CEP164: variants seen among roughly 807,000 people sequenced by gnomAD.
The protein encoded by CEP164 is centrosomal protein of 164 kDa.
CEP164 carries 162 observed loss-of-function variants against 182.7 expected under a neutral mutation model. The ratio of observed to expected loss-of-function variants is 0.89; its 90% CI spans 0.78 to 1.01. CEP164 has a LOEUF of 1.01. Among genes scored for constraint, CEP164 ranks in the 50% least tolerant of loss-of-function variants. The probability of loss-of-function intolerance (pLI) is 0.00; values close to 1 mark genes in which losing one functional copy is unlikely to be tolerated. For synonymous variants in CEP164, 661 were observed against 690.0 expected, an observed-to-expected ratio of 0.96 and a Z score of 0.66; for missense variants, 1,735 against 1,790.4, an observed-to-expected ratio of 0.97 and a Z score of 0.56.
At chr11:117,403,447 GA>G (rs2046357683) in intron 27 of CEP164, among the ~76,000 whole-genome samples, 1 of 151,964 alleles carries the variant, frequency 6.6e-6, no homozygotes, top group South Asian at 2.1e-4. Flanking sequence ...GGCTGGATAT[GA>G]AATTCTTTTC....
chr11:117,374,298 C>T (rs756930558), intron 10 of CEP164, among the ~76,000 whole-genome samples: 7 of 152,074 alleles, frequency 4.6e-5, no homozygotes, highest in Admixed American at 6.6e-5. Context: ...CTTGGAATGC[C>T]GGCATCCATG....
intron 20 of CEP164, 65 bp downstream of exon 20, chr11:117,393,191 A>C: frequency 6.4e-7 from 1 of 1,567,264 alleles, no homozygotes; most frequent in South Asian, 1.1e-5. Flanking sequence ...GCACATGCAC[A>C]CACACATGCA....
At chr11:117,393,410 C>T (rs552105865) in intron 20 of CEP164, among the ~76,000 whole-genome samples, 24 of 152,164 alleles carry the variant, frequency 1.6e-4, no homozygotes, top group Non-Finnish European at 2.8e-4. Context: ...GCAGGCTGTA[C>T]TTTCTTCTGA....
At chr11:117,389,030 A>C (rs1033881454) in intron 15 of CEP164, among the ~76,000 whole-genome samples, 1 of 152,062 alleles carries the variant, frequency 6.6e-6, no homozygotes. Flanking sequence ...TCGGCCTCCC[A>C]AAGTGCTGGG....
chr11:117,390,642 GAAAA>G (rs60684637), intron 15 of CEP164, 131 bp from the exon 16 acceptor site: 34 of 971,276 alleles, frequency 3.5e-5, no homozygotes, highest in Middle Eastern at 3.5e-4. Context: ...TCTCCAAAAA[GAAAA>G]AAAAAAAAAA....
At chr11:117,392,345 A>C (rs374651115) in intron 18 of CEP164, 42 bp downstream of exon 18, 1 of 1,590,266 alleles carries the variant, frequency 6.3e-7, no homozygotes, top group African/African-American at 1.3e-5. Context: ...GCTGATTAGC[A>C]GAATTCAGCC....
At position 117,382,620 on chromosome 11, in the gene CEP164, G is replaced by T. The variant is rs189690654; in HGVS notation, c.1578-176G>T. The T allele has an allele frequency of 4.0e-5, 27 of 683,192 alleles. 1 individual carries two copies. The Admixed American group carries it at 5.6e-4, about 14-fold the overall frequency. 42.3% of individuals were successfully genotyped at this position (683,192 alleles called of 1,614,324 possible). On this transcript the variant is annotated intron_variant, in intron 13 of 32. Coordinates refer to ENST00000278935, the MANE Select transcript of CEP164 (RefSeq NM_014956.5). The stretch of plus-strand genomic sequence containing the variant: ...GAGGCAGGAGTCTCTAGTCTTTGAT[G>T]CAAATAATTCAGGGAGAGGAAGGGC...
At chr11:117,356,019 G>A (rs1293286332) in intron 5 of CEP164, 2 of 1,139,746 alleles carry the variant, frequency 1.8e-6, no homozygotes, top group Non-Finnish European at 2.2e-6. Context: ...AGCAGCAGCA[G>A]CAACAGCAAC....
intron 5 of CEP164, among the ~76,000 whole-genome samples, chr11:117,354,748 ATTT>A (rs1057302291): frequency 2.0e-5 from 3 of 147,876 alleles, no homozygotes; most frequent in Non-Finnish European, 3.0e-5. Context: ...TTAAATTATT[ATTT>A]TTTTTTGCTA....
chr11:117,392,427 A>T, intron 18 of CEP164, 69 bp from the exon 19 acceptor site: 1 of 1,578,504 alleles, frequency 6.3e-7, no homozygotes, highest in Non-Finnish European at 8.6e-7. Context: ...CTCAGAACAC[A>T]TCCCCACACA....
At position 117,395,065 on chromosome 11, in the gene CEP164, C is replaced by G. The variant is rs759277057; in HGVS notation, c.2845-58C>G. The G allele has an allele frequency of 9.3e-6, 15 of 1,613,258 alleles. No homozygotes were observed. In the African/African-American group the frequency reaches 1.7e-4, roughly 19 times the overall value. On this transcript the variant is annotated intron_variant, in intron 22 of 32. Coordinates refer to ENST00000278935, the MANE Select transcript of CEP164 (RefSeq NM_014956.5). ...TAGCTTCTCTAGCAGAGGGCAGGCTCTGCCCCTCAGACCTGGGGTCTGCAG... is the reference window on the plus strand; with the variant it reads ...TAGCTTCTCTAGCAGAGGGCAGGCTGTGCCCCTCAGACCTGGGGTCTGCAG...
intron 5 of CEP164, among the ~76,000 whole-genome samples, chr11:117,360,971 G>C (rs1167632813): frequency 7.4e-6 from 1 of 135,856 alleles, no homozygotes; most frequent in Non-Finnish European, 1.5e-5. Context: ...GTCTCGCTCT[G>C]TCGCTCAGGC....
At position 117,395,743 on chromosome 11, in the gene CEP164, T is replaced by A. The variant is rs771511730; in HGVS notation, c.3089+21T>A. On this transcript the variant is annotated intron_variant, in intron 24 of 32. Transcript: ENST00000278935. ...TTCAGGTGGCGTGGGCACCCTGCAC[T>A]TAGCCCTGCTGGCTGCCTCCTGCCT... 3.1e-6 allele frequency: 5 copies of A among 1,592,308 alleles called. No homozygotes were observed. The African/African-American group carries it at 4.0e-5, about 13-fold the overall frequency.
chr11:117,342,673 T>G (rs967169708), intron 3 of CEP164, among the ~76,000 whole-genome samples: 34 of 151,612 alleles, frequency 2.2e-4, no homozygotes, highest in Non-Finnish European at 1.3e-4. Context: ...ACGAGGTTTC[T>G]CCATGTTGCC....
At chr11:117,345,883 C>T (rs652346) in intron 4 of CEP164, among the ~76,000 whole-genome samples, 30,791 of 152,036 alleles carry the variant, frequency 0.2, 3,168 homozygotes, top group Admixed American at 0.25. Context: ...GACGGGGTTT[C>T]GCCATGTTGG....
Position 117,321,886 on chromosome 11 carries a change from T to C in CEP164, c.-98+7158T>C, listed in dbSNP as rs2035256805. ...AATTTTTGGGTTTTTTTTTAAGAGA[T>C]TGGGTCTCACTATATTGCCCAGGCT... is the stretch of plus-strand genomic sequence containing the variant. On this transcript the variant is annotated intron_variant, in intron 1 of 4. Transcript: ENST00000525734. Among the ~76,000 whole-genome samples the C allele has an allele frequency of 4.6e-5, 7 of 151,524 alleles. No individual in the cohort carries two copies. In the South Asian group the frequency reaches 1.3e-3, roughly 27 times the overall value.
chr11:117,361,233 CTTTTTTTTT>C lies in CEP164; in HGVS notation c.394-584_394-576del, dbSNP rs71469129. ...TACAGGCGTGAGCCACTGCGCCTGGCTTTTTTTTTTTTTTTTTTTTTTTTTTGAGACAGA... is the reference window on the plus strand; with the variant it reads ...TACAGGCGTGAGCCACTGCGCCTGGCTTTTTTTTTTTTTTTTTGAGACAGA... On this transcript the variant is annotated intron_variant, in intron 5 of 32. Coordinates refer to ENST00000278935, the MANE Select transcript of CEP164 (RefSeq NM_014956.5). Among the ~76,000 whole-genome samples, 73 of 90,194 alleles carry C rather than the reference CTTTTTTTTT, an allele frequency of 8.1e-4. 1 individual carries two copies. The East Asian group carries it at 0.024, about 29-fold the overall frequency. 59.2% of individuals were successfully genotyped at this position (90,194 alleles called of 152,430 possible). A position where few individuals can be genotyped will look rare whatever the true frequency, so the allele number is the denominator to read the frequency against.
At chr11:117,375,108 G>A (rs2042599597) in intron 10 of CEP164, among the ~76,000 whole-genome samples, 1 of 152,222 alleles carries the variant, frequency 6.6e-6, no homozygotes, top group South Asian at 2.1e-4. Flanking sequence ...GAACGAGCTG[G>A]AAAGAGCCCA....
intron 5 of CEP164, chr11:117,356,193 G>C: frequency 9.4e-7 from 1 of 1,068,920 alleles, no homozygotes; most frequent in Non-Finnish European, 1.1e-6. Flanking sequence ...CACATGCAGA[G>C]CCCTGACGAG....
Sources: allele counts gnomAD v4.1 joint callset (sites outside exome capture counted in the v4.1 genomes callset), GRCh38; gene constraint gnomAD v4.1.1; transcripts MANE v1.5; gene names NCBI Gene and HGNC (gene_info 2026-07-23, HGNC 2026-07-21).